Variants in RPL38 observed in about 807,000 individuals in gnomAD.
RPL38 encodes the protein large ribosomal subunit protein eL38.
In RPL38, 2 loss-of-function variants were observed where a neutral mutation model predicts 12.8. The ratio of observed to expected loss-of-function variants is 0.16; its 90% confidence interval spans 0.06 to 0.49. The LOEUF (loss-of-function observed/expected upper bound fraction) is 0.49. RPL38 is among the 20% of genes least tolerant of loss of function. The pLI is 0.96. For synonymous variants in RPL38, 42 were observed against 30.1 expected (o/e 1.39, Z -1.29); for missense variants, 52 against 79.8 (o/e 0.65, Z 1.33).
chr17:74,209,717 C>T, intron 4 of RPL38, 87 bp from the exon 5 acceptor site: 4 of 1,158,524 alleles, frequency 3.5e-6, no homozygotes, highest in Non-Finnish European at 5.2e-6. Context: ...CTTGTGTGCT[C>T]TCTTTAGCTT....
rs570453692 is a variant in RPL38, at chr17:74,207,536, T to TA, written c.65-1651_65-1650insA. ...TGAGTAAACTTTTTTTTTATTTATT[T>TA]TTTTTTTGAGATGGAGTTTCGCTCT... is the stretch of plus-strand genomic sequence containing the variant. On this transcript the variant is annotated intron_variant, in intron 3 of 4. Coordinates refer to ENST00000311111, the MANE Select transcript of RPL38 (RefSeq NM_000999.4). Among the ~76,000 whole-genome samples, 707 of 152,196 alleles carry TA rather than the reference T, an allele frequency of 4.6e-3. 9 individuals carry two copies. Among genetic ancestry groups the TA allele is most frequent in the African/African-American group, 0.016 (662 of 41,490 alleles).
intron 3 of RPL38, chr17:74,205,143 C>T (rs997946253): frequency 2.0e-5 from 3 of 152,170 alleles, no homozygotes; most frequent in Non-Finnish European, 2.9e-5. Context: ...AGCAGGTTTT[C>T]GATGGATAGG....
At position 74,209,978 on chromosome 17, in the gene RPL38, C is replaced by CTTT. The variant is rs58720199; in HGVS notation, c.*166_*168dup. 3.5e-3 allele frequency: 1,258 copies of CTTT among 356,668 alleles called. 3 individuals carry two copies. Among genetic ancestry groups the CTTT allele is most frequent in the East Asian group, 7.2e-3 (127 of 17,590 alleles). 22.1% of individuals were successfully genotyped at this position (356,668 alleles called of 1,614,324 possible). On this transcript the variant is annotated 3_prime_UTR_variant, in exon 5 of 5. Coordinates refer to ENST00000311111, the MANE Select transcript of RPL38 (RefSeq NM_000999.4). ...GGGTTCTGTTGCTGCCTTCCTGTGT[C>CTTT]TTTTTTTTTTTTTTTTTTTCTTTCT...
intron 1 of RPL38, 66 bp downstream of exon 1, chr17:74,203,811 G>C: frequency 6.7e-6 from 7 of 1,038,524 alleles, no homozygotes; most frequent in Admixed American, 2.8e-5. Context: ...AGGGTGTCGG[G>C]GAGGAGAAGG....
chr17:74,209,215 C>T lies in RPL38; in HGVS notation c.93C>T (p.Asn31=), dbSNP rs193162687. The change falls in exon 4 of 5, where the codon AAC becomes AAT. Residue 31 remains asparagine, a synonymous_variant. Coordinates refer to ENST00000311111, the MANE Select transcript of RPL38 (RefSeq NM_000999.4). ...KSVKIKKNKD[N]VKFKVRCSRY... is the part of the protein sequence containing the mutation. ...TCAAGATCAAGAAAAATAAGGACAACGTGAAGTTTAAAGTTCGATGCAGCA... is the reference window on the plus strand; with the variant it reads ...TCAAGATCAAGAAAAATAAGGACAATGTGAAGTTTAAAGTTCGATGCAGCA... 5.0e-6 allele frequency: 8 copies of T among 1,613,854 alleles called. No homozygotes were observed. In the African/African-American group the frequency reaches 5.3e-5, roughly 11 times the overall value.
intron 3 of RPL38, 37 bp from the exon 4 acceptor site, chr17:74,209,150 G>T: frequency 6.2e-7 from 1 of 1,610,298 alleles, no homozygotes; most frequent in Non-Finnish European, 8.5e-7. Context: ...TCTGTTTTCT[G>T]TGATACAATT....
chr17:74,204,222 C>A (rs752328912), intron 3 of RPL38, 32 bp downstream of exon 3: 3 of 1,604,096 alleles, frequency 1.9e-6, no homozygotes, highest in African/African-American at 2.7e-5. Flanking sequence ...TCAAGAAGAG[C>A]GGTGCCTAGC....
Position 74,210,177 on chromosome 17 carries a change from A to G in RPL38, c.*348A>G, listed in dbSNP as rs1012896001. 6 of 203,068 alleles carry G rather than the reference A, an allele frequency of 3.0e-5. No individual in the cohort carries two copies. In the South Asian group the frequency reaches 5.5e-4, roughly 19 times the overall value. The allele number at this position is 203,068 out of a possible 1,614,324, so 12.6% of individuals were successfully genotyped here. A position where few individuals can be genotyped will look rare whatever the true frequency, so the allele number is the denominator to read the frequency against. On this transcript the variant is annotated 3_prime_UTR_variant, in exon 5 of 5. Transcript: ENST00000311111. ...CAATTTTTGTATTTGTAGTAGAGAC[A>G]GGGTTTCACTGCCTGCCTCAGCCTC...
chr17:74,203,855 C>T (rs529303024), intron 1 of RPL38, 63 bp from the exon 2 acceptor site: 25 of 1,394,270 alleles, frequency 1.8e-5, no homozygotes, highest in African/African-American at 2.9e-5. Context: ...CGGGGGAGAG[C>T]GGGAAAACGG....
At chr17:74,206,004 A>G (rs900668991) in intron 3 of RPL38, 1 of 152,158 alleles carries the variant, frequency 6.6e-6, no homozygotes, top group Non-Finnish European at 1.5e-5. Context: ...TGGGTGACAG[A>G]GCGAGACTGT....
chr17:74,208,850 C>T lies in RPL38; in HGVS notation c.65-337C>T, dbSNP rs148154644. ...CTCCAGGAGGCTTAGGCAGGAGAAT[C>T]GCTTGAACCTGGGAGGCGGAGGTTG... On this transcript the variant is annotated intron_variant, in intron 3 of 4. Transcript: ENST00000311111. Among the ~76,000 whole-genome samples the T allele has an allele frequency of 2.9e-3, 441 of 152,250 alleles. 1 individual carries two copies. The highest frequency in any genetic ancestry group is 0.017 in the Middle Eastern group (5 of 294).
At chr17:74,209,338 C>G (rs775976770) in intron 4 of RPL38, 29 bp downstream of exon 4, 2 of 1,609,124 alleles carry the variant, frequency 1.2e-6, no homozygotes, top group East Asian at 4.5e-5. Context: ...ACTTCAGGGG[C>G]GGGTGGGGTT....
Position 74,210,283 on chromosome 17 carries a change from G to A in RPL38, c.*454G>A, listed in dbSNP as rs151273138. 5.0e-3 allele frequency: 777 copies of A among 156,434 alleles called. 10 individuals are homozygous for A. The highest frequency in any genetic ancestry group is 0.018 in the African/African-American group (747 of 41,620). The allele number at this position is 156,434 out of a possible 1,614,324, so 9.7% of individuals were successfully genotyped here. A position where few individuals can be genotyped will look rare whatever the true frequency, so the allele number is the denominator to read the frequency against. On this transcript the variant is annotated 3_prime_UTR_variant, in exon 5 of 5. Coordinates refer to ENST00000311111, the MANE Select transcript of RPL38 (RefSeq NM_000999.4). The stretch of plus-strand genomic sequence containing the variant: ...GAGCATGATCTCAGTCGGCAAATGA[G>A]GCCATCTGTTTTCAGCCTGTTTGAA...
chr17:74,203,739 G>A lies in RPL38; in HGVS notation c.-45G>A, dbSNP rs1295289895. 4 of 609,436 alleles carry A rather than the reference G, an allele frequency of 6.6e-6. No homozygotes were observed. Among genetic ancestry groups the A allele is most frequent in the Non-Finnish European group, 1.2e-5 (4 of 341,090 alleles). The allele number at this position is 609,436 out of a possible 1,614,324, so 37.8% of individuals were successfully genotyped here. ...AGTGTCTCTAGGGTGATACGTGGGT[G>A]AGAAAGGTAATCTGGGGCAATCCAC... On this transcript the variant is annotated 5_prime_UTR_variant, in exon 1 of 5. Coordinates refer to ENST00000311111, the MANE Select transcript of RPL38 (RefSeq NM_000999.4).
Position 74,203,763 on chromosome 17 carries a change from A to G in RPL38, c.-39+18A>G. The stretch of plus-strand genomic sequence containing the variant: ...TGAGAAAGGTAATCTGGGGCAATCC[A>G]CTGCCAGGTGAAATCTGGGGACCCC... On this transcript the variant is annotated intron_variant, in intron 1 of 4. Transcript: ENST00000311111. 1 of 646,968 alleles carries G rather than the reference A, an allele frequency of 1.5e-6. No individual in the cohort carries two copies. The allele number at this position is 646,968 out of a possible 1,614,324, so 40.1% of individuals were successfully genotyped here. A position where few individuals can be genotyped will look rare whatever the true frequency, so the allele number is the denominator to read the frequency against.
rs554012297 is a variant in RPL38 at position 74,203,702 on chromosome 17, C to T, written c.-82C>T. ...TCTTTTTCGTCCTTTTCCCCGGTTG[C>T]TGCTTGCTGTGAGTGTCTCTAGGGT... is the stretch of plus-strand genomic sequence containing the variant. On this transcript the variant is annotated 5_prime_UTR_variant, in exon 1 of 5. Coordinates refer to ENST00000311111, the MANE Select transcript of RPL38 (RefSeq NM_000999.4). The T allele has an allele frequency of 4.3e-5, 22 of 508,618 alleles. No homozygotes were observed. Among genetic ancestry groups the T allele is most frequent in the Admixed American group, 1.1e-4 (3 of 28,194 alleles). The allele number at this position is 508,618 out of a possible 1,614,324, so 31.5% of individuals were successfully genotyped here.
chr17:74,207,442 C>T (rs763002780), intron 3 of RPL38, among the ~76,000 whole-genome samples: 1 of 152,154 alleles, frequency 6.6e-6, no homozygotes, highest in Non-Finnish European at 1.5e-5. Context: ...TGCAAATATT[C>T]TTCTGTGGTT....
Position 74,209,897 on chromosome 17 carries a change from C to A in RPL38, c.*68C>A, listed in dbSNP as rs947992875. 1.4e-6 allele frequency: 2 copies of A among 1,393,304 alleles called. No homozygotes were observed. The highest frequency in any genetic ancestry group is 1.2e-5 in the South Asian group (1 of 85,888). The allele number at this position is 1,393,304 out of a possible 1,614,324, so 86.3% of individuals were successfully genotyped here. ...AAATCCTAAGTGTCTTTCGTCTTTG[C>A]GGATGGGAAAGGGAAAAATGCTACC... On this transcript the variant is annotated 3_prime_UTR_variant, in exon 5 of 5. Transcript: ENST00000311111.
intron 4 of RPL38, 134 bp downstream of exon 4, chr17:74,209,443 T>C: frequency 2.0e-6 from 2 of 1,002,528 alleles, no homozygotes; most frequent in Non-Finnish European, 3.0e-6. Flanking sequence ...GCTCTTGCTG[T>C]TGGGAGTGTG....
Sources: gnomAD v4.1 joint callset for allele counts (sites outside exome capture counted in the v4.1 genomes callset) on GRCh38, gnomAD v4.1.1 for gene constraint, MANE v1.5 for transcripts, NCBI Gene and HGNC (gene_info 2026-07-23, HGNC 2026-07-21) for gene names.